SLC39A7: variants seen among roughly 807,000 people sequenced by gnomAD.
SLC39A7 encodes the protein zinc transporter SLC39A7.
In SLC39A7, 25 loss-of-function variants were observed where a neutral mutation model predicts 39.7. The observed-to-expected ratio is 0.63, with a 90% CI of 0.46 to 0.88. SLC39A7 has a LOEUF of 0.88. Ranked by LOEUF, SLC39A7 falls within the 40% of genes least tolerant of loss-of-function variation. SLC39A7 has a pLI of 0.00. For missense variants in SLC39A7, 501 were observed against 592.1 expected (o/e 0.85, Z 1.60); for synonymous variants, 181 against 234.1 (o/e 0.77, Z 2.07).
Position 33,201,716 on chromosome 6 carries a change from A to C in SLC39A7, c.412-29A>C. ...GTTCTGGATTGTTGGGAAACTCCAC[A>C]GTACTTGACCTTGACTCTCCCTCAC... On this transcript the variant is annotated intron_variant, in intron 1 of 6. Coordinates refer to ENST00000374677, the MANE Select transcript of SLC39A7 (RefSeq NM_006979.3). The surrounding 1 kb of genome is among the most constrained non-coding windows in gnomAD (Gnocchi z 5.9). 6.2e-7 allele frequency: 1 copy of C among 1,613,498 alleles called. No individual in the cohort carries two copies. The highest frequency in any genetic ancestry group is 8.5e-7 in the Non-Finnish European group (1 of 1,179,576).
Position 33,202,914 on chromosome 6 carries a change from G to T in SLC39A7, c.945G>T (p.Leu315=). 6.2e-7 allele frequency: 1 copy of T among 1,610,604 alleles called. No individual in the cohort carries two copies. The highest frequency in any genetic ancestry group is 1.1e-5 in the South Asian group (1 of 90,952). ...NAEEEKRGLD[L]RVSGYLNLAA... ...TCTCTTCTTGTCCTGTACAAGACCT[G>T]CGTGTGTCGGGGTACCTGAATCTGG... is the stretch of plus-strand genomic sequence containing the variant. The change falls in exon 6 of 7, where the codon CTG becomes CTT. Residue 315 remains leucine, a synonymous_variant. Transcript: ENST00000374677.
In SLC39A7 at chr6:33,203,734, C is replaced by T; in HGVS notation, c.1331C>T (p.Ser444Leu). Residue 444 changes from serine (S) to leucine (L), a missense_variant, in exon 7 of 7, where the codon TCA becomes TTA. Coordinates refer to ENST00000374677, the MANE Select transcript of SLC39A7 (RefSeq NM_006979.3). ...SVLPELLREA[S>L]PLQSLLEVLG... ...TTGCCCGAGCTGCTGAGGGAGGCAT[C>T]ACCATTGCAATCACTTCTGGAGGTG... 6.2e-7 allele frequency: 1 copy of T among 1,614,196 alleles called. No homozygotes were observed. The highest frequency in any genetic ancestry group is 8.5e-7 in the Non-Finnish European group (1 of 1,180,024).
At chr6:33,202,731 C>A in intron 5 of SLC39A7, 31 bp downstream of exon 5, 1 of 1,573,372 alleles carries the variant, frequency 6.4e-7, no homozygotes, top group South Asian at 1.2e-5. Flanking sequence ...TAAATTTGGG[C>A]AAGGGACATC....
chr6:33,203,185 T>C (rs1774746038), intron 6 of SLC39A7, 79 bp downstream of exon 6: 2 of 1,234,676 alleles, frequency 1.6e-6, no homozygotes, highest in South Asian at 1.4e-5. Flanking sequence ...CAGCCTCTTA[T>C]TAGTTCCAAA....
chr6:33,202,448 C>T (rs764396179), intron 4 of SLC39A7, 21 bp downstream of exon 4: 25 of 1,610,330 alleles, frequency 1.6e-5, no homozygotes, highest in Non-Finnish European at 2.0e-5. Context: ...GAACAACTTT[C>T]CTGAAAGCTG....
chr6:33,203,921 T>A lies in SLC39A7; in HGVS notation c.*108T>A. 1 of 1,114,632 alleles carries A rather than the reference T, an allele frequency of 9.0e-7. No individual in the cohort carries two copies. 69.0% of individuals were successfully genotyped at this position (1,114,632 alleles called of 1,614,324 possible). ...GGACATCTGCCAAAGGAAGGAACTGTAGCCTGGGAGAATGGTTACTTTGGC... is the reference window on the plus strand; with the variant it reads ...GGACATCTGCCAAAGGAAGGAACTGAAGCCTGGGAGAATGGTTACTTTGGC... On this transcript the variant is annotated 3_prime_UTR_variant, in exon 7 of 7. Transcript: ENST00000374677.
rs1246363788 is a variant in SLC39A7, at chr6:33,201,164, C to G, written c.-82C>G. The stretch of plus-strand genomic sequence containing the variant: ...GCGGCCCATAGAGGTGGACGGAGGG[C>G]GCGATTGGAGTAAAGCGGACCCTGT... On this transcript the variant is annotated 5_prime_UTR_variant, in exon 1 of 7. Transcript: ENST00000374677. This position sits in a 1 kb window ranked among gnomAD's most constrained non-coding sequence, Gnocchi z 5.9. 2 of 1,344,770 alleles carry G rather than the reference C, an allele frequency of 1.5e-6. No individual in the cohort carries two copies. Among genetic ancestry groups the G allele is most frequent in the Non-Finnish European group, 2.0e-6 (2 of 976,616 alleles). 83.3% of individuals were successfully genotyped at this position (1,344,770 alleles called of 1,614,324 possible). A position where few individuals can be genotyped will look rare whatever the true frequency, so the allele number is the denominator to read the frequency against.
chr6:33,202,117 C>A lies in SLC39A7; in HGVS notation c.626C>A (p.Ser209Tyr). The change falls in exon 3 of 7, where the codon TCC (serine) becomes TAC (tyrosine). Residue 209 changes from serine (S) to tyrosine (Y), a missense_variant. Transcript: ENST00000374677. ...CTGGAGCAACCCGGACATGGACACT[C>A]CCACAGTGGTGAGGAAGAGACAGAT... ...HTLEQPGHGHSHSGQGPILSV... is the reference protein window; with the variant it reads ...HTLEQPGHGHYHSGQGPILSV... 1 of 1,612,984 alleles carries A rather than the reference C, an allele frequency of 6.2e-7. No individual in the cohort carries two copies. The highest frequency in any genetic ancestry group is 8.5e-7 in the Non-Finnish European group (1 of 1,179,984).
In SLC39A7 at chr6:33,204,227, G is replaced by A. The variant is rs1774836853; in HGVS notation, c.*414G>A. ...GGCTTCAGGGAAGACCAGAGTCCTGGACAGAGAGGGTAACAGGAGGAGTCG... is the reference window on the plus strand; with the variant it reads ...GGCTTCAGGGAAGACCAGAGTCCTGAACAGAGAGGGTAACAGGAGGAGTCG... On this transcript the variant is annotated 3_prime_UTR_variant, in exon 7 of 7. Coordinates refer to ENST00000374677, the MANE Select transcript of SLC39A7 (RefSeq NM_006979.3). 2.1e-6 allele frequency: 1 copy of A among 466,538 alleles called. No individual in the cohort carries two copies. Among genetic ancestry groups the A allele is most frequent in the Non-Finnish European group, 3.9e-6 (1 of 256,526 alleles). 28.9% of individuals were successfully genotyped at this position (466,538 alleles called of 1,614,324 possible). A position where few individuals can be genotyped will look rare whatever the true frequency, so the allele number is the denominator to read the frequency against.
rs1321231476 is a variant in SLC39A7 at position 33,201,633 on chromosome 6, G to A, written c.388G>A (p.Asp130Asn). ...SGAPGIKQDL[D>N]AVTLWAYALG... ...GGCTCCAGGCATCAAGCAGGACCTG[G>A]ATGCTGTCACTCTCTGGGCTTATGT... The change falls in exon 1 of 7, where the codon GAT becomes AAT. Residue 130 changes from aspartate to asparagine, a missense_variant. Physicochemically the swap from Asp to Asn is conservative, Grantham distance 23. Transcript: ENST00000374677. This position sits in a 1 kb window ranked among gnomAD's most constrained non-coding sequence, Gnocchi z 5.9. 8 of 1,611,450 alleles carry A rather than the reference G, an allele frequency of 5.0e-6. No individual in the cohort carries two copies. The highest frequency in any genetic ancestry group is 1.1e-5 in the South Asian group (1 of 91,062).
In SLC39A7 at chr6:33,204,029, T is replaced by C. The variant is rs553288118; in HGVS notation, c.*216T>C. 4 of 604,680 alleles carry C rather than the reference T, an allele frequency of 6.6e-6. No individual in the cohort carries two copies. The highest frequency in any genetic ancestry group is 2.0e-5 in the South Asian group (1 of 49,744). The allele number at this position is 604,680 out of a possible 1,614,324, so 37.5% of individuals were successfully genotyped here. A position where few individuals can be genotyped will look rare whatever the true frequency, so the allele number is the denominator to read the frequency against. Reference sequence around the variant, plus strand: ...CCAGAGGGACCATAGTGTTGGGCACTGTCTGACCATGTTGCATTTGGAAGG... The same window carrying C: ...CCAGAGGGACCATAGTGTTGGGCACCGTCTGACCATGTTGCATTTGGAAGG... On this transcript the variant is annotated 3_prime_UTR_variant, in exon 7 of 7. Transcript: ENST00000374677.
Position 33,203,151 on chromosome 6 carries a change from C to A in SLC39A7, c.1137+45C>A, listed in dbSNP as rs761705677. 4.0e-6 allele frequency: 6 copies of A among 1,484,372 alleles called. No homozygotes were observed. In the South Asian group the frequency reaches 7.7e-5, roughly 19 times the overall value. The allele number at this position is 1,484,372 out of a possible 1,614,324, so 92.0% of individuals were successfully genotyped here. The stretch of plus-strand genomic sequence containing the variant: ...CACAGCTGCCTCAAACCCTTTATCT[C>A]TCCTCACTCACCCTAAACCCAAACA... On this transcript the variant is annotated intron_variant, in intron 6 of 6. Transcript: ENST00000374677.
At chr6:33,202,810 G>A (rs1411310630) in intron 5 of SLC39A7, 100 bp from the exon 6 acceptor site, 7 of 1,554,154 alleles carry the variant, frequency 4.5e-6, no homozygotes, top group African/African-American at 2.8e-5. Context: ...AGGACTGGGT[G>A]TAAAGTGGTC....
chr6:33,203,237 G>A (rs181434760), intron 6 of SLC39A7, 131 bp downstream of exon 6: 1 of 845,144 alleles, frequency 1.2e-6, no homozygotes, highest in Non-Finnish European at 1.8e-6. Context: ...AAATGAGGGG[G>A]AAGAAGTTCT....
rs1426895748 is a variant in SLC39A7 at position 33,202,592 on chromosome 6, G to A, written c.832G>A (p.Glu278Lys). ...RSTKEKQSSE[E>K]EEKETRGVQK... The stretch of plus-strand genomic sequence containing the variant: ...TACCAAGGAGAAGCAGAGCTCAGAG[G>A]AAGAAGAAAAGGAAACAAGAGGGGT... The change falls in exon 5 of 7, where the codon GAA becomes AAA. Residue 278 changes from glutamate to lysine, a missense_variant. By Grantham distance (56) the Glu-to-Lys change is moderately conservative. Coordinates refer to ENST00000374677, the MANE Select transcript of SLC39A7 (RefSeq NM_006979.3). The A allele has an allele frequency of 6.2e-7, 1 of 1,610,052 alleles. No homozygotes were observed. The highest frequency in any genetic ancestry group is 2.2e-5 in the East Asian group (1 of 44,878).
chr6:33,202,118 C>G lies in SLC39A7; in HGVS notation c.627C>G (p.Ser209=), dbSNP rs1547387. 169,754 of 1,612,506 alleles carry G rather than the reference C, an allele frequency of 0.11. 10,258 individuals are homozygous for G. The highest frequency in any genetic ancestry group is 0.22 in the South Asian group (19,643 of 91,034). The change falls in exon 3 of 7, where the codon TCC becomes TCG. Residue 209 remains serine (S), a synonymous_variant. Transcript: ENST00000374677. The part of the protein sequence containing the change: ...HTLEQPGHGH[S]HSGQGPILSV... ...TGGAGCAACCCGGACATGGACACTC[C>G]CACAGTGGTGAGGAAGAGACAGATG...
rs771724721 is a variant in SLC39A7, at chr6:33,201,950, A to G, written c.580+37A>G. Reference sequence around the variant, plus strand: ...CTGACTTCTACCTCAAATCTAACCTATTTCGTTCTTTGGAGGAAAAGGGTT... The same window carrying G: ...CTGACTTCTACCTCAAATCTAACCTGTTTCGTTCTTTGGAGGAAAAGGGTT... On this transcript the variant is annotated intron_variant, in intron 2 of 6. Coordinates refer to ENST00000374677, the MANE Select transcript of SLC39A7 (RefSeq NM_006979.3). This position sits in a 1 kb window ranked among gnomAD's most constrained non-coding sequence, Gnocchi z 5.9. 5.0e-6 allele frequency: 8 copies of G among 1,607,862 alleles called. No individual in the cohort carries two copies. In the African/African-American group the frequency reaches 9.4e-5, roughly 19 times the overall value.
At position 33,201,588 on chromosome 6, in the gene SLC39A7, G is replaced by A; in HGVS notation, c.343G>A (p.Gly115Arg). Residue 115 changes from glycine (G) to arginine (R), a missense_variant, in exon 1 of 7, where the codon GGA becomes AGA. Coordinates refer to ENST00000374677, the MANE Select transcript of SLC39A7 (RefSeq NM_006979.3). This position sits in a 1 kb window ranked among gnomAD's most constrained non-coding sequence, Gnocchi z 5.9. ...GHGHDHEHSHGGYGESGAPGI... is the reference protein window; with the variant it reads ...GHGHDHEHSHRGYGESGAPGI... ...TGGACATGACCATGAGCATAGCCAT[G>A]GAGGCTATGGGGAGTCTGGGGCTCC... 6.2e-7 allele frequency: 1 copy of A among 1,613,492 alleles called. No homozygotes were observed. Among genetic ancestry groups the A allele is most frequent in the South Asian group, 1.1e-5 (1 of 91,070 alleles).
chr6:33,202,714 T>G lies in SLC39A7; in HGVS notation c.940+14T>G. On this transcript the variant is annotated intron_variant, in intron 5 of 6. Coordinates refer to ENST00000374677, the MANE Select transcript of SLC39A7 (RefSeq NM_006979.3). ...AAAGAGGCTTAGGTAAGGGCCAGAGTTGGTGATAAATTTGGGCAAGGGACA... is the reference window on the plus strand; with the variant it reads ...AAAGAGGCTTAGGTAAGGGCCAGAGGTGGTGATAAATTTGGGCAAGGGACA... 1 of 1,579,690 alleles carries G rather than the reference T, an allele frequency of 6.3e-7. No homozygotes were observed. Among genetic ancestry groups the G allele is most frequent in the African/African-American group, 1.4e-5 (1 of 72,618 alleles).
Sources: gnomAD v4.1 joint callset for allele counts on GRCh38, gnomAD v4.1.1 for gene constraint, Gnocchi (gnomAD v3.1) non-coding constraint, MANE v1.5 for transcripts, NCBI Gene and HGNC (gene_info 2026-07-23, HGNC 2026-07-21) for gene names.